The following DLG2 variants were observed in gnomAD, a reference collection of about 807,000 sequenced individuals.
DLG2 encodes the protein disks large homolog 2.
DLG2 carries 45 observed loss-of-function variants against 132.5 expected under a neutral mutation model. The observed-to-expected ratio is 0.34, with a 90% confidence interval of 0.27 to 0.44. DLG2 has a LOEUF of 0.44. DLG2 is among the 20% of genes least tolerant of loss of function. The pLI is 1.00. For missense variants in DLG2, 1,045 were observed against 1,196.9 expected, an observed-to-expected ratio of 0.87 and a Z score of 1.87; for synonymous variants, 424 against 419.6, an observed-to-expected ratio of 1.01 and a Z score of -0.13.
At chr11:85,540,270 C>CCTGTGCCCA in intron 3 of DLG2, among the ~76,000 whole-genome samples, 2 of 152,302 alleles carry the variant, frequency 1.3e-5, no homozygotes, top group African/African-American at 4.8e-5. Context: ...ACCACATCCC[C>CCTGTGCCCA]CCATCCTGTG....
intron 7 of DLG2, among the ~76,000 whole-genome samples, chr11:84,408,063 T>C (rs1266684813): frequency 6.6e-6 from 1 of 152,190 alleles, no homozygotes; most frequent in Non-Finnish European, 1.5e-5. Flanking sequence ...CTTTAATTTA[T>C]CCCAGATAGA....
intron 6 of DLG2, among the ~76,000 whole-genome samples, chr11:84,841,855 AC>A (rs1227066665): frequency 6.6e-6 from 1 of 151,912 alleles, no homozygotes; most frequent in Non-Finnish European, 1.5e-5. Flanking sequence ...AATTTTTTTA[AC>A]CATTCCTCTA....
At chr11:83,822,089 C>T (rs916675676) in intron 17 of DLG2, among the ~76,000 whole-genome samples, 2 of 152,134 alleles carry the variant, frequency 1.3e-5, no homozygotes, top group Non-Finnish European at 2.9e-5. Flanking sequence ...TGAAGCTGGG[C>T]AGACCTAGAG....
At chr11:84,470,902 A>G (rs892397215) in intron 7 of DLG2, among the ~76,000 whole-genome samples, 1 of 151,836 alleles carries the variant, frequency 6.6e-6, no homozygotes, top group African/African-American at 2.4e-5. Context: ...ATGTATTAAT[A>G]TATGTATTTT....
chr11:85,501,866 T>C (rs956175550), intron 3 of DLG2, among the ~76,000 whole-genome samples: 8 of 152,084 alleles, frequency 5.3e-5, no homozygotes, highest in African/African-American at 1.2e-4. Flanking sequence ...GTGGCAATTC[T>C]GTAAGGATCT....
In DLG2 at chr11:83,910,335, G is replaced by A. The variant is rs142885194; in HGVS notation, c.1496+19993C>T. Among the ~76,000 whole-genome samples the A allele has an allele frequency of 5.7e-3, 875 of 152,206 alleles. 7 individuals carry two copies. Among genetic ancestry groups the A allele is most frequent in the African/African-American group, 0.02 (826 of 41,554 alleles). On this transcript the variant is annotated intron_variant, in intron 15 of 27. Coordinates refer to ENST00000376104, the MANE Select transcript of DLG2 (RefSeq NM_001142699.3). Reference sequence around the variant, plus strand: ...ATGACCTCAAAGCTGACAACTTTTGGAACTAAGAAAATATTCGATTAATGG... The same window carrying A: ...ATGACCTCAAAGCTGACAACTTTTGAAACTAAGAAAATATTCGATTAATGG...
chr11:84,889,892 G>T (rs2089044156), intron 6 of DLG2, among the ~76,000 whole-genome samples: 1 of 152,144 alleles, frequency 6.6e-6, no homozygotes, highest in Non-Finnish European at 1.5e-5. Flanking sequence ...GCAGATGAGG[G>T]AACACACCAC....
rs148754458 is a variant in DLG2 at position 83,899,861 on chromosome 11, C to T, written c.1497-25373G>A. 7.9e-5 allele frequency among the ~76,000 whole-genome samples: 12 copies of T among 152,236 alleles called. No individual in the cohort carries two copies. In the East Asian group the frequency reaches 2.3e-3, roughly 29 times the overall value. On this transcript the variant is annotated intron_variant, in intron 15 of 27. Transcript: ENST00000376104. ...AGCAACTTTGGAACTTGGTAATAGG[C>T]AGAGGCTGGAACAGTTCGGAGGGCT...
At chr11:84,083,456 G>A (rs74777764) in intron 10 of DLG2, among the ~76,000 whole-genome samples, 3,598 of 152,286 alleles carry the variant, frequency 0.024, 54 homozygotes, top group Middle Eastern at 0.037. Context: ...TTGTTTGAAT[G>A]TGTCCCCCAA....
chr11:84,797,962 A>C (rs1157731254), intron 6 of DLG2, among the ~76,000 whole-genome samples: 1 of 152,154 alleles, frequency 6.6e-6, no homozygotes, highest in East Asian at 1.9e-4. Context: ...AAAATTCAGA[A>C]GAATTCTCTG....
At chr11:85,417,737 T>G (rs773529392) in intron 3 of DLG2, among the ~76,000 whole-genome samples, 1 of 152,186 alleles carries the variant, frequency 6.6e-6, no homozygotes, top group Non-Finnish European at 1.5e-5. Context: ...TGCATAGAGG[T>G]GTTTACAGTA....
chr11:83,929,693 T>C (rs2079778028), intron 15 of DLG2, among the ~76,000 whole-genome samples: 1 of 152,190 alleles, frequency 6.6e-6, no homozygotes, highest in African/African-American at 2.4e-5. Context: ...TGAACTTCTA[T>C]TTCTTAAAAT....
chr11:85,272,597 A>T (rs942790698), intron 4 of DLG2, among the ~76,000 whole-genome samples: 1 of 152,138 alleles, frequency 6.6e-6, no homozygotes, highest in African/African-American at 2.4e-5. Context: ...TGCTCAACGA[A>T]ATAAAAGAGG....
chr11:85,104,921 A>T (rs533839509), intron 6 of DLG2, among the ~76,000 whole-genome samples: 1 of 143,214 alleles, frequency 7.0e-6, no homozygotes, highest in African/African-American at 2.5e-5. Context: ...AAGGAGAAAG[A>T]GGTGGGTGAA....
intron 7 of DLG2, among the ~76,000 whole-genome samples, chr11:84,374,847 T>C (rs2098722786): frequency 6.6e-6 from 1 of 152,138 alleles, no homozygotes; most frequent in South Asian, 2.1e-4. Flanking sequence ...GTCTTTCCCA[T>C]CTTCACCAAA....
chr11:84,167,674 T>C (rs964138460), intron 8 of DLG2, among the ~76,000 whole-genome samples: 2 of 152,160 alleles, frequency 1.3e-5, no homozygotes, highest in African/African-American at 4.8e-5. Context: ...TGAATAATTT[T>C]TTTTTTTTCG....
chr11:84,382,156 G>A (rs1017520931), intron 7 of DLG2, among the ~76,000 whole-genome samples: 3 of 152,150 alleles, frequency 2.0e-5, no homozygotes, highest in Non-Finnish European at 2.9e-5. Flanking sequence ...TTTCCTGCTA[G>A]AAATCAGTTT....
In DLG2 at chr11:84,907,518, G is replaced by T. The variant is rs375579839; in HGVS notation, c.357+204143C>A. The stretch of plus-strand genomic sequence containing the variant: ...CCGCAAAACAAGCACCTTGAATTAA[G>T]GAGTTTATGTGTGAGTCAGTCAACA... On this transcript the variant is annotated intron_variant, in intron 6 of 27. Transcript: ENST00000376104. 2.6e-5 allele frequency among the ~76,000 whole-genome samples: 4 copies of T among 152,238 alleles called. No homozygotes were observed. The East Asian group carries it at 5.8e-4, about 22-fold the overall frequency.
At chr11:83,802,534 T>C (rs925441338) in intron 17 of DLG2, among the ~76,000 whole-genome samples, 8 of 152,208 alleles carry the variant, frequency 5.3e-5, no homozygotes, top group Non-Finnish European at 7.3e-5. Context: ...TGCTCTATTA[T>C]TCTTTATTTA....
Sources: allele counts gnomAD v4.1 joint callset (sites outside exome capture counted in the v4.1 genomes callset), GRCh38; gene constraint gnomAD v4.1.1; transcripts MANE v1.5; gene names NCBI Gene and HGNC (gene_info 2026-07-23, HGNC 2026-07-21).